Variants in NR3C2 observed in about 807,000 individuals in gnomAD.
NR3C2 encodes the protein mineralocorticoid receptor.
NR3C2 carries 15 observed loss-of-function variants against 86.4 expected under a neutral mutation model. The observed-to-expected ratio is 0.17, with a 90% CI of 0.12 to 0.27. The LOEUF (loss-of-function observed/expected upper bound fraction) is 0.27. Ranked by LOEUF, NR3C2 falls within the 10% of genes least tolerant of loss-of-function variation. The pLI is 1.00. For missense variants in NR3C2, 960 were observed against 1,195.6 expected (o/e 0.80, Z 2.91); for synonymous variants, 458 against 450.5 (o/e 1.02, Z -0.21).
At chr4:148,248,249 T>G (rs1044776379) in intron 3 of NR3C2, among the ~76,000 whole-genome samples, 1 of 152,214 alleles carries the variant, frequency 6.6e-6, no homozygotes, top group African/African-American at 2.4e-5. Context: ...TCATTCCAAT[T>G]CTTTTTCAAA....
chr4:148,393,226 G>C (rs1269834897), intron 2 of NR3C2, among the ~76,000 whole-genome samples: 1 of 152,154 alleles, frequency 6.6e-6, no homozygotes, highest in Non-Finnish European at 1.5e-5. Flanking sequence ...TTTTTTAGTA[G>C]GGAAATAAGT....
chr4:148,323,554 G>A (rs1208776815), intron 2 of NR3C2, among the ~76,000 whole-genome samples: 2 of 151,472 alleles, frequency 1.3e-5, no homozygotes, highest in African/African-American at 4.9e-5. Flanking sequence ...AGGACCCTCC[G>A]AGCCAGGTGC....
intron 2 of NR3C2, among the ~76,000 whole-genome samples, chr4:148,381,299 T>C (rs991737668): frequency 2.0e-5 from 3 of 152,082 alleles, no homozygotes; most frequent in African/African-American, 7.2e-5. Flanking sequence ...CAATATCTTA[T>C]GGCAAAAGTA....
intron 6 of NR3C2, among the ~76,000 whole-genome samples, chr4:148,130,798 TGTTTTGTTTTGTTTTGTTTTG>T: frequency 1.7e-5 from 1 of 60,428 alleles, no homozygotes; most frequent in Admixed American, 1.8e-4. Flanking sequence ...TTTTTTTTTT[TGTTTTGTTTTGTTTTGTTTTG>T]TTTTTTTTTT....
intron 3 of NR3C2, among the ~76,000 whole-genome samples, chr4:148,226,639 A>T (rs1249935338): frequency 6.6e-6 from 1 of 152,162 alleles, no homozygotes; most frequent in Non-Finnish European, 1.5e-5. Context: ...ATATACAGTG[A>T]CTTTATAGGA....
At chr4:148,120,604 T>C (rs536157567) in intron 6 of NR3C2, among the ~76,000 whole-genome samples, 28 of 152,332 alleles carry the variant, frequency 1.8e-4, no homozygotes, top group Non-Finnish European at 4.0e-4. Context: ...TTTAGTGTGT[T>C]ACAGTGAGAC....
At chr4:148,375,587 CTCTTT>C (rs1258745123) in intron 2 of NR3C2, among the ~76,000 whole-genome samples, 1 of 152,074 alleles carries the variant, frequency 6.6e-6, no homozygotes, top group Non-Finnish European at 1.5e-5. Flanking sequence ...TCTGACATCT[CTCTTT>C]TTTGTGAGAG....
At chr4:148,323,787 C>G (rs1332685107) in intron 2 of NR3C2, among the ~76,000 whole-genome samples, 1 of 152,132 alleles carries the variant, frequency 6.6e-6, no homozygotes, top group Non-Finnish European at 1.5e-5. Context: ...TCTGGCACTC[C>G]CTAGTGCGAT....
chr4:148,088,922 A>C (rs1198330857), intron 8 of NR3C2, among the ~76,000 whole-genome samples: 1 of 152,032 alleles, frequency 6.6e-6, no homozygotes, highest in Non-Finnish European at 1.5e-5. Flanking sequence ...AATTCACTCT[A>C]ATTTTTCTGT....
intron 2 of NR3C2, among the ~76,000 whole-genome samples, chr4:148,324,067 G>A (rs1227555644): frequency 5.3e-5 from 8 of 151,974 alleles, no homozygotes; most frequent in Admixed American, 2.0e-4. Context: ...AGCAGCTGGT[G>A]AGACCATCAT....
chr4:148,225,829 T>C (rs536480194), intron 3 of NR3C2, among the ~76,000 whole-genome samples: 3 of 152,222 alleles, frequency 2.0e-5, no homozygotes, highest in African/African-American at 4.8e-5. Flanking sequence ...CCTAATGTTT[T>C]CACACTCTTA....
At chr4:148,288,044 T>TA (rs1169460303) in intron 2 of NR3C2, among the ~76,000 whole-genome samples, 2 of 152,082 alleles carry the variant, frequency 1.3e-5, no homozygotes, top group Non-Finnish European at 2.9e-5. Flanking sequence ...ATCATTTCCA[T>TA]AAAAAAACAG....
intron 8 of NR3C2, among the ~76,000 whole-genome samples, chr4:148,095,471 A>G (rs1470723696): frequency 1.3e-5 from 2 of 152,228 alleles, no homozygotes; most frequent in Admixed American, 1.3e-4. Flanking sequence ...CCACAATGCC[A>G]TCGCTCAGCT....
chr4:148,367,332 G>T (rs1005244542), intron 2 of NR3C2, among the ~76,000 whole-genome samples: 2 of 152,124 alleles, frequency 1.3e-5, no homozygotes, highest in South Asian at 4.1e-4. Flanking sequence ...TACGATAATT[G>T]CTCTATCGGT....
At chr4:148,298,499 C>G (rs1221593399) in intron 2 of NR3C2, among the ~76,000 whole-genome samples, 2 of 152,148 alleles carry the variant, frequency 1.3e-5, no homozygotes, top group Non-Finnish European at 2.9e-5. Flanking sequence ...AAAATAAGAA[C>G]AAATTGCTAA....
At chr4:148,406,007 AT>A (rs1028658934) in intron 2 of NR3C2, among the ~76,000 whole-genome samples, 2 of 152,114 alleles carry the variant, frequency 1.3e-5, no homozygotes, top group Non-Finnish European at 2.9e-5. Flanking sequence ...TTAAAAAAAA[AT>A]TTTTAAATTT....
intron 2 of NR3C2, among the ~76,000 whole-genome samples, chr4:148,283,167 T>A (rs1053457915): frequency 6.6e-6 from 1 of 152,138 alleles, no homozygotes; most frequent in African/African-American, 2.4e-5. Context: ...AGGAATAAGA[T>A]AGCTTTCATA....
At chr4:148,152,336 A>G in intron 6 of NR3C2, 133 bp downstream of exon 6, 4 of 959,950 alleles carry the variant, frequency 4.2e-6, no homozygotes, top group Non-Finnish European at 6.3e-6. Context: ...GAGATCTGTA[A>G]ATTTTTAACG....
At position 148,186,433 on chromosome 4, in the gene NR3C2, TTGTAAGTAA is replaced by T. The variant is rs566334546; in HGVS notation, c.2014+8304_2014+8312del. Among the ~76,000 whole-genome samples, 445 of 152,274 alleles carry T rather than the reference TTGTAAGTAA, an allele frequency of 2.9e-3. 1 individual carries two copies. The highest frequency in any genetic ancestry group is 5.4e-3 in the Non-Finnish European group (369 of 68,030). On this transcript the variant is annotated intron_variant, in intron 4 of 8. Transcript: ENST00000358102. The stretch of plus-strand genomic sequence containing the variant: ...TAAGGCCTTTGCAGTAATATTTGAT[TTGTAAGTAA>T]TGTTCATTTTCTCAACTTTTTGCTT...
Sources: gnomAD v4.1 joint callset for allele counts (sites outside exome capture counted in the v4.1 genomes callset) on GRCh38, gnomAD v4.1.1 for gene constraint, MANE v1.5 for transcripts, NCBI Gene and HGNC (gene_info 2026-07-23, HGNC 2026-07-21) for gene names.